TRPM3: variants seen among roughly 807,000 people sequenced by gnomAD.
TRPM3 encodes the protein long transient receptor potential channel 3.
A neutral mutation model predicts 181.2 loss-of-function variants in TRPM3; 77 were observed. That is an observed-to-expected ratio of 0.42 (90% CI 0.35 to 0.51). The LOEUF (loss-of-function observed/expected upper bound fraction) is 0.51, where lower values mean the gene tolerates loss of function less well. TRPM3 is among the 20% of genes least tolerant of loss of function. The pLI is 0.01. For missense variants in TRPM3, 1,759 were observed against 2,196.7 expected, an observed-to-expected ratio of 0.80 and a Z score of 3.98; for synonymous variants, 745 against 796.4, an observed-to-expected ratio of 0.94 and a Z score of 1.09.
intron 1 of TRPM3, among the ~76,000 whole-genome samples, chr9:71,232,501 T>C (rs942269465): frequency 1.4e-4 from 18 of 131,552 alleles, no homozygotes; most frequent in African/African-American, 3.2e-4. Flanking sequence ...CTTTTTTTTT[T>C]TTTTTTTTTT....
intron 3 of TRPM3, among the ~76,000 whole-genome samples, chr9:70,848,036 A>G (rs2095054261): frequency 6.6e-6 from 1 of 152,212 alleles, no homozygotes; most frequent in South Asian, 2.1e-4. Flanking sequence ...TAGAAACAAC[A>G]GGCACCAAAA....
At chr9:71,215,832 C>A (rs2079830636) in intron 1 of TRPM3, among the ~76,000 whole-genome samples, 1 of 152,128 alleles carries the variant, frequency 6.6e-6, no homozygotes, top group Non-Finnish European at 1.5e-5. Context: ...CCAGGATGAA[C>A]AGACAGTTCA....
At chr9:70,546,282 C>A (rs993666602) in intron 25 of TRPM3, among the ~76,000 whole-genome samples, 1 of 152,180 alleles carries the variant, frequency 6.6e-6, no homozygotes, top group African/African-American at 2.4e-5. Context: ...TCAGTATCAT[C>A]TGGAAACATT....
chr9:70,900,830 T>C (rs139977700), intron 1 of TRPM3, among the ~76,000 whole-genome samples: 196 of 152,346 alleles, frequency 1.3e-3, no homozygotes, highest in African/African-American at 3.8e-3. Context: ...CAAGAATCTA[T>C]ATCTGGCCTC....
At chr9:71,097,181 G>A (rs2067447559) in intron 1 of TRPM3, among the ~76,000 whole-genome samples, 2 of 151,992 alleles carry the variant, frequency 1.3e-5, no homozygotes, top group Admixed American at 6.6e-5. Flanking sequence ...TAAAAAAAGA[G>A]AAAACTCAGA....
intron 22 of TRPM3, among the ~76,000 whole-genome samples, chr9:70,573,972 TCACA>T (rs59193514): frequency 0.099 from 13,938 of 140,800 alleles, 675 homozygotes; most frequent in Middle Eastern, 0.15. Context: ...GCAATTCATT[TCACA>T]CACACACACA....
At position 71,367,892 on chromosome 9, in the gene TRPM3, G is replaced by A. The variant is rs546252988; in HGVS notation, c.183+78761C>T. Among the ~76,000 whole-genome samples the A allele has an allele frequency of 2.6e-5, 4 of 152,154 alleles. No individual in the cohort carries two copies. In the South Asian group the frequency reaches 6.2e-4, roughly 24 times the overall value. On this transcript the variant is annotated intron_variant, in intron 1 of 24. Transcript: ENST00000357533. Reference sequence around the variant, plus strand: ...ACGGTTATTTTCTCCTACTTCAAATGTCTTAAATTGCTGATCTTTCAACTT... The same window carrying A: ...ACGGTTATTTTCTCCTACTTCAAATATCTTAAATTGCTGATCTTTCAACTT...
chr9:71,224,784 GA>G lies in TRPM3; in HGVS notation c.183+221868del, dbSNP rs940519589. Among the ~76,000 whole-genome samples the G allele has an allele frequency of 1.3e-4, 18 of 142,708 alleles. No homozygotes were observed. The East Asian group carries it at 2.0e-3, about 16-fold the overall frequency. 93.6% of individuals were successfully genotyped at this position (142,708 alleles called of 152,430 possible). On this transcript the variant is annotated intron_variant, in intron 1 of 24. Coordinates refer to the TRPM3 transcript ENST00000357533. ...ACAGAGCAAGACCCTGTCTCTAAAA[GA>G]AAAAAAAAAGAAAGAAAAGAAAAAT...
intron 1 of TRPM3, among the ~76,000 whole-genome samples, chr9:71,327,929 C>T (rs1263235250): frequency 6.6e-6 from 1 of 152,134 alleles, no homozygotes; most frequent in Non-Finnish European, 1.5e-5. Context: ...AATAGCAGTC[C>T]TCCAAGCGGT....
At chr9:71,247,987 T>C (rs185487871) in intron 1 of TRPM3, among the ~76,000 whole-genome samples, 17 of 152,312 alleles carry the variant, frequency 1.1e-4, no homozygotes, top group Admixed American at 3.3e-4. Flanking sequence ...GACAGCACAA[T>C]GTCAAAAGCT....
intron 1 of TRPM3, among the ~76,000 whole-genome samples, chr9:71,309,343 A>C (rs2087697173): frequency 6.6e-6 from 1 of 152,200 alleles, no homozygotes. Flanking sequence ...CACTCAAACT[A>C]ACATAATATA....
intron 6 of TRPM3, among the ~76,000 whole-genome samples, chr9:70,801,065 A>C (rs1056684949): frequency 6.6e-6 from 1 of 152,206 alleles, no homozygotes; most frequent in African/African-American, 2.4e-5. Flanking sequence ...AGAATTTATC[A>C]TACAATTAGG....
At chr9:70,639,285 C>T (rs2057697443) in intron 10 of TRPM3, 91 bp from the exon 11 acceptor site, 5 of 1,407,864 alleles carry the variant, frequency 3.6e-6, no homozygotes, top group Admixed American at 2.0e-5. Flanking sequence ...GAAATGGATG[C>T]CTTTGACATC....
chr9:70,916,014 A>G (rs945897141), intron 1 of TRPM3, among the ~76,000 whole-genome samples: 11 of 152,180 alleles, frequency 7.2e-5, no homozygotes, highest in Non-Finnish European at 1.5e-4. Flanking sequence ...AACAAATAAC[A>G]TATAGTGGAG....
chr9:71,433,554 A>G (rs2093989260), intron 1 of TRPM3, among the ~76,000 whole-genome samples: 1 of 152,220 alleles, frequency 6.6e-6, no homozygotes, highest in South Asian at 2.1e-4. Context: ...ATGAAAACAA[A>G]TACAATATCC....
chr9:70,769,113 AT>A, intron 7 of TRPM3, among the ~76,000 whole-genome samples: 1 of 152,240 alleles, frequency 6.6e-6, no homozygotes, highest in Non-Finnish European at 1.5e-5. Flanking sequence ...ACATGATTCT[AT>A]TGCATCCTTC....
At chr9:71,153,175 C>T (rs1587675553) in intron 1 of TRPM3, among the ~76,000 whole-genome samples, 1 of 152,196 alleles carries the variant, frequency 6.6e-6, no homozygotes, top group East Asian at 1.9e-4. Flanking sequence ...ATATCAGTAA[C>T]AGTACTTGTC....
At chr9:70,608,906 A>C (rs7047998) in intron 19 of TRPM3, among the ~76,000 whole-genome samples, 31,199 of 152,146 alleles carry the variant, frequency 0.21, 3,999 homozygotes, top group African/African-American at 0.36. Context: ...AAATAATAGT[A>C]CCTAGAACAT....
At chr9:71,368,028 ATATGAG>A (rs2092395839) in intron 1 of TRPM3, among the ~76,000 whole-genome samples, 1 of 152,106 alleles carries the variant, frequency 6.6e-6, no homozygotes, top group African/African-American at 2.4e-5. Context: ...ACACACACAC[ATATGAG>A]TATGTGTACA....
Sources: gnomAD v4.1 joint callset for allele counts (sites outside exome capture counted in the v4.1 genomes callset) on GRCh38, gnomAD v4.1.1 for gene constraint, MANE v1.5 for transcripts, NCBI Gene and HGNC (gene_info 2026-07-23, HGNC 2026-07-21) for gene names.